Variants in ADAMTS7 observed in about 807,000 individuals in gnomAD.
ADAMTS7 encodes ADAM metallopeptidase with thrombospondin type 1 motif 7.
ADAMTS7 carries 89 observed loss-of-function variants against 172.6 expected under a neutral mutation model. That is an observed-to-expected ratio of 0.52 (90% confidence interval 0.43 to 0.61). ADAMTS7 has a LOEUF of 0.61. Ranked by LOEUF, ADAMTS7 falls within the 20% of genes least tolerant of loss-of-function variation. The pLI is 0.00. For synonymous variants in ADAMTS7, 885 were observed against 978.4 expected (o/e 0.90, Z 1.78); for missense variants, 1,973 against 2,355.6 (o/e 0.84, Z 3.36).
intron 1 of ADAMTS7, among the ~76,000 whole-genome samples, chr15:78,807,251 G>A (rs2055809541): frequency 6.6e-6 from 1 of 152,134 alleles, no homozygotes; most frequent in Non-Finnish European, 1.5e-5. Flanking sequence ...ATGTGGTTGG[G>A]GAATGGAAGC....
rs2055555332 is a variant in ADAMTS7, at chr15:78,789,856, C to A, written c.1029-18G>T. 1.9e-6 allele frequency: 3 copies of A among 1,567,328 alleles called. No homozygotes were observed. The highest frequency in any genetic ancestry group is 2.6e-6 in the Non-Finnish European group (3 of 1,155,886). ...GGTCCTTTCTGCACAGGCAAAGAAG[C>A]AGCCTTCAGGCTAACCTGGCCCAGT... On this transcript the variant is annotated intron_variant, in intron 6 of 23. Transcript: ENST00000388820.
At chr15:78,803,781 C>T (rs1596202247) in intron 1 of ADAMTS7, among the ~76,000 whole-genome samples, 2 of 152,094 alleles carry the variant, frequency 1.3e-5, no homozygotes, top group Non-Finnish European at 2.9e-5. Context: ...TAGTGATGAA[C>T]GTAAACCTTA....
In ADAMTS7 at chr15:78,764,665, G is replaced by T; in HGVS notation, c.4309C>A (p.Arg1437Ser). ...TCCTCATCCCGGCCGGAGCTACAGCGCACCGGCCTCCAGACCGCACCCAGG... is the reference window on the plus strand; with the variant it reads ...TCCTCATCCCGGCCGGAGCTACAGCTCACCGGCCTCCAGACCGCACCCAGG... ...CGLGAVWRPV[R>S]CSSGRDEDCA... The change falls in exon 20 of 24, where the codon CGC becomes AGC. Residue 1437 changes from arginine to serine, a missense_variant. By Grantham distance (110) the Arg-to-Ser change is moderately radical. Coordinates refer to ENST00000388820, the MANE Select transcript of ADAMTS7 (RefSeq NM_014272.5). The T allele has an allele frequency of 6.4e-7, 1 of 1,571,966 alleles. No individual in the cohort carries two copies. The highest frequency in any genetic ancestry group is 8.6e-7 in the Non-Finnish European group (1 of 1,167,856).
intron 3 of ADAMTS7, among the ~76,000 whole-genome samples, chr15:78,797,083 C>T (rs1313182594): frequency 1.3e-5 from 2 of 152,212 alleles, no homozygotes; most frequent in African/African-American, 4.8e-5. Flanking sequence ...GTACTGTGTC[C>T]ATGGGAGGGG....
intron 4 of ADAMTS7, among the ~76,000 whole-genome samples, chr15:78,793,035 C>T (rs541166845): frequency 1.3e-3 from 191 of 152,230 alleles, no homozygotes; most frequent in African/African-American, 4.5e-3. Flanking sequence ...TCAGATACTG[C>T]AGCAGCCAAA....
intron 13 of ADAMTS7, among the ~76,000 whole-genome samples, chr15:78,773,477 C>G (rs2055287694): frequency 6.6e-6 from 1 of 151,764 alleles, no homozygotes. Flanking sequence ...AAGAGTTCTG[C>G]AAAGCCTGCG....
intron 1 of ADAMTS7, among the ~76,000 whole-genome samples, chr15:78,810,184 G>A (rs989870849): frequency 2.0e-5 from 3 of 152,144 alleles, no homozygotes; most frequent in Non-Finnish European, 4.4e-5. Flanking sequence ...CTCCCTCCAC[G>A]CCCTTCTAGC....
intron 11 of ADAMTS7, among the ~76,000 whole-genome samples, chr15:78,775,444 C>T (rs1319554366): frequency 6.6e-6 from 1 of 152,042 alleles, no homozygotes; most frequent in African/African-American, 2.4e-5. Context: ...TGGCTGTGAA[C>T]CCCATGCCTG....
chr15:78,792,236 C>T (rs1016335202), intron 4 of ADAMTS7, among the ~76,000 whole-genome samples: 3 of 152,140 alleles, frequency 2.0e-5, no homozygotes, highest in African/African-American at 7.2e-5. Flanking sequence ...GCTGGGAGCC[C>T]GGGAGCCTTG....
chr15:78,762,352 C>A, intron 23 of ADAMTS7, 51 bp downstream of exon 23: 8 of 1,351,038 alleles, frequency 5.9e-6, no homozygotes, highest in Non-Finnish European at 7.7e-6. Context: ...TCCCCATCAC[C>A]CTCCCCACCC....
intron 8 of ADAMTS7, among the ~76,000 whole-genome samples, chr15:78,785,305 C>CT (rs2055486558): frequency 1.3e-5 from 2 of 152,174 alleles, no homozygotes. Context: ...AATCCCAGCA[C>CT]TTTGGGAGGC....
intron 11 of ADAMTS7, among the ~76,000 whole-genome samples, chr15:78,775,382 G>A (rs566606557): frequency 7.2e-4 from 109 of 152,336 alleles, no homozygotes; most frequent in African/African-American, 2.5e-3. Context: ...AGGCCAGGAG[G>A]CAGGGAGGGG....
At chr15:78,803,244 C>T (rs1469695797) in intron 1 of ADAMTS7, among the ~76,000 whole-genome samples, 1 of 151,848 alleles carries the variant, frequency 6.6e-6, no homozygotes, top group Non-Finnish European at 1.5e-5. Flanking sequence ...CCTATAGTCC[C>T]AGCTACTTGG....
chr15:78,800,171 T>C, intron 2 of ADAMTS7, 21 bp downstream of exon 2: 1 of 1,578,292 alleles, frequency 6.3e-7, no homozygotes, highest in South Asian at 1.1e-5. Context: ...GCCCCAAGTA[T>C]ACATGTCCCA....
chr15:78,771,906 C>G lies in ADAMTS7; in HGVS notation c.2132-77G>C, dbSNP rs1278257945. 2 of 1,546,898 alleles carry G rather than the reference C, an allele frequency of 1.3e-6. No individual in the cohort carries two copies. Among genetic ancestry groups the G allele is most frequent in the African/African-American group, 2.7e-5 (2 of 74,036 alleles). ...ATCCCCACCCGCTCCCCTCATGTCT[C>G]TCCCCACTTGCCTCCGCCTGCTGAT... On this transcript the variant is annotated intron_variant, in intron 14 of 23. Transcript: ENST00000388820. This position sits in a 1 kb window ranked among gnomAD's most constrained non-coding sequence, Gnocchi z 4.9.
chr15:78,789,733 C>G lies in ADAMTS7; in HGVS notation c.1134G>C (p.Thr378=), dbSNP rs139031066. 3 of 1,612,972 alleles carry G rather than the reference C, an allele frequency of 1.9e-6. No homozygotes were observed. The highest frequency in any genetic ancestry group is 1.1e-5 in the South Asian group (1 of 90,902). The change falls in exon 7 of 24, where the codon ACG becomes ACC. Residue 378 remains threonine, a synonymous_variant. Transcript: ENST00000388820. The stretch of plus-strand genomic sequence containing the variant: ...CTACAGTGAAGGCCAGCGGCAGGCC[C>G]GTGTCCTCGTTGATGCTGCAGCTGC... ...PHRSCSINED[T]GLPLAFTVAH...
chr15:78,783,988 G>C (rs1217128237), intron 8 of ADAMTS7, among the ~76,000 whole-genome samples: 3 of 152,064 alleles, frequency 2.0e-5, no homozygotes, highest in Non-Finnish European at 4.4e-5. Context: ...GAATGAGAAA[G>C]TTTAAGAAAT....
rs762282253 is a variant in ADAMTS7 at position 78,800,230 on chromosome 15, C to G, written c.418G>C (p.Glu140Gln). 7.5e-5 allele frequency: 119 copies of G among 1,594,992 alleles called. No individual in the cohort carries two copies. Among genetic ancestry groups the G allele is most frequent in the Non-Finnish European group, 9.1e-5 (107 of 1,178,850 alleles). ...LLGEVQDPEL[E>Q]GGLAAISACD... Reference sequence around the variant, plus strand: ...GCGCTGATGGCCGCCAGGCCACCCTCGAGCTCAGGGTCCTGCACCTCGCCA... The same window carrying G: ...GCGCTGATGGCCGCCAGGCCACCCTGGAGCTCAGGGTCCTGCACCTCGCCA... The change falls in exon 2 of 24, where the codon GAG (glutamate) becomes CAG (glutamine). Residue 140 changes from glutamate (E) to glutamine (Q), a missense_variant. Around this residue, in one of 8 missense-constraint regions of ADAMTS7, gnomAD observed 306 missense variants for 288.0 expected, o/e 1.06. Transcript: ENST00000388820.
At position 78,799,837 on chromosome 15, in the gene ADAMTS7, C is replaced by CTT. The variant is rs563089296; in HGVS notation, c.456+353_456+354dup. On this transcript the variant is annotated intron_variant, in intron 2 of 23. Transcript: ENST00000388820. ...ACTCTCTTTTTCTTTTTCTTTCTTT[C>CTT]TTTTTTTTTTTTTGAGAGTGCCTGG... Among the ~76,000 whole-genome samples, 825 of 145,662 alleles carry CTT rather than the reference C, an allele frequency of 5.7e-3. 11 individuals are homozygous for CTT. The highest frequency in any genetic ancestry group is 0.02 in the African/African-American group (786 of 38,918).
Sources: gnomAD v4.1 joint callset for allele counts (sites outside exome capture counted in the v4.1 genomes callset) on GRCh38, gnomAD v4.1.1 for gene constraint, gnomAD v4.1.1 regional missense constraint, Gnocchi (gnomAD v3.1) non-coding constraint, MANE v1.5 for transcripts, NCBI Gene and HGNC (gene_info 2026-07-23, HGNC 2026-07-21) for gene names.